The following BICD1 variants were observed in gnomAD, a reference collection of about 807,000 sequenced individuals.
The protein encoded by BICD1 is protein bicaudal D homolog 1.
In BICD1, 35 loss-of-function variants were observed where a neutral mutation model predicts 92.5. That is an observed-to-expected ratio of 0.38 (90% CI 0.29 to 0.50). The LOEUF (loss-of-function observed/expected upper bound fraction) is 0.50. Ranked by LOEUF, BICD1 falls within the 20% of genes least tolerant of loss-of-function variation. BICD1 has a pLI of 0.93. For synonymous variants in BICD1, 429 were observed against 465.1 expected (o/e 0.92, Z 1.00); for missense variants, 950 against 1,189.8 (o/e 0.80, Z 2.97).
intron 4 of BICD1, among the ~76,000 whole-genome samples, chr12:32,317,524 C>T (rs1461389818): frequency 6.6e-6 from 1 of 152,158 alleles, no homozygotes; most frequent in Non-Finnish European, 1.5e-5. Context: ...AGTGTCTGTT[C>T]ATATCCTGCA....
At chr12:32,280,175 G>A (rs1387251927) in intron 2 of BICD1, among the ~76,000 whole-genome samples, 1 of 152,120 alleles carries the variant, frequency 6.6e-6, no homozygotes, top group Non-Finnish European at 1.5e-5. Flanking sequence ...CTCTTGTATA[G>A]AGGAGGAAAA....
intron 1 of BICD1, among the ~76,000 whole-genome samples, chr12:32,207,921 T>G (rs1945109121): frequency 6.6e-6 from 1 of 152,234 alleles, no homozygotes; most frequent in Non-Finnish European, 1.5e-5. Flanking sequence ...AACGGCCACC[T>G]GATTCTTGGA....
At chr12:32,374,498 CTGTT>C (rs1260911558) in intron 9 of BICD1, among the ~76,000 whole-genome samples, 8 of 151,318 alleles carry the variant, frequency 5.3e-5, no homozygotes, top group Admixed American at 3.9e-4. Flanking sequence ...CCGTCAAACT[CTGTT>C]TGGAGGGTCA....
At chr12:32,359,688 C>A (rs1441825255) in intron 8 of BICD1, among the ~76,000 whole-genome samples, 1 of 152,110 alleles carries the variant, frequency 6.6e-6, no homozygotes, top group African/African-American at 2.4e-5. Context: ...GCAGTGGTAT[C>A]TATTTAAATC....
rs751695584 is a variant in BICD1, at chr12:32,342,399, C to T, written c.2764+3420C>T. ...CCTCCCGAGTAGCTGGGACTACAGG[C>T]GCCCGTCACCACACCTGGCTAATTT... On this transcript the variant is annotated intron_variant, in intron 8 of 9. Transcript: ENST00000652176. 5.1e-4 allele frequency among the ~76,000 whole-genome samples: 77 copies of T among 151,170 alleles called. 1 individual carries two copies. The highest frequency in any genetic ancestry group is 1.5e-3 in the African/African-American group (63 of 41,208).
intron 8 of BICD1, among the ~76,000 whole-genome samples, chr12:32,352,021 A>T (rs1326345995): frequency 6.7e-6 from 1 of 150,170 alleles, no homozygotes; most frequent in African/African-American, 2.5e-5. Flanking sequence ...CCTGGCCAAG[A>T]TGGTGAAACC....
intron 9 of BICD1, 85 bp downstream of exon 9, chr12:32,367,830 T>A: frequency 1.7e-6 from 2 of 1,196,954 alleles, no homozygotes; most frequent in South Asian, 1.2e-5. Flanking sequence ...CTGAACTGCC[T>A]ACGCATCATT....
chr12:32,158,369 A>G (rs1943504640), intron 1 of BICD1, among the ~76,000 whole-genome samples: 1 of 151,980 alleles, frequency 6.6e-6, no homozygotes. Flanking sequence ...TGGCCTCCCA[A>G]AGTGCTGGGA....
Position 32,378,538 on chromosome 12 carries a change from G to GT in BICD1, c.*912dup, listed in dbSNP as rs1220576700. 6.6e-6 allele frequency: 1 copy of GT among 152,136 alleles called. No homozygotes were observed. The highest frequency in any genetic ancestry group is 1.5e-5 in the Non-Finnish European group (1 of 68,014). The allele number at this position is 152,136 out of a possible 1,614,324, so 9.4% of individuals were successfully genotyped here. A position where few individuals can be genotyped will look rare whatever the true frequency, so the allele number is the denominator to read the frequency against. Reference sequence around the variant, plus strand: ...TCAATAACTTGAAGGGAAAAAAATGGTGTGTTTATTTAATGACCAGAATTT... The same window carrying GT: ...TCAATAACTTGAAGGGAAAAAAATGGTTGTGTTTATTTAATGACCAGAATTT... On this transcript the variant is annotated 3_prime_UTR_variant, in exon 10 of 10. Coordinates refer to ENST00000652176, the MANE Select transcript of BICD1 (RefSeq NM_001714.4).
At chr12:32,361,644 A>G (rs969837331) in intron 8 of BICD1, among the ~76,000 whole-genome samples, 4 of 152,118 alleles carry the variant, frequency 2.6e-5, no homozygotes, top group African/African-American at 4.8e-5. Context: ...GATAGTTTTC[A>G]TGGGAACACG....
At chr12:32,300,350 G>T (rs1449578606) in intron 3 of BICD1, among the ~76,000 whole-genome samples, 1 of 151,962 alleles carries the variant, frequency 6.6e-6, no homozygotes, top group African/African-American at 2.4e-5. Flanking sequence ...TGATCCTCCT[G>T]CCTCGGCCTC....
At position 32,338,966 on chromosome 12, in the gene BICD1, C is replaced by T. The variant is rs200827158; in HGVS notation, c.2751C>T (p.Thr917=). 146 of 1,594,206 alleles carry T rather than the reference C, an allele frequency of 9.2e-5. No individual in the cohort carries two copies. The highest frequency in any genetic ancestry group is 1.2e-4 in the Non-Finnish European group (138 of 1,173,172). The part of the protein sequence containing the change: ...GHRLSKEKRL[T]VAPPDCQQPA... ...GGCTCAGCAAGGAAAAAAGGTTAACCGTGGCTCCACCAGGTAAACATTTTT... is the reference window on the plus strand; with the variant it reads ...GGCTCAGCAAGGAAAAAAGGTTAACTGTGGCTCCACCAGGTAAACATTTTT... The change falls in exon 8 of 10, where the codon ACC becomes ACT. Residue 917 remains threonine, a synonymous_variant. Coordinates refer to ENST00000652176, the MANE Select transcript of BICD1 (RefSeq NM_001714.4).
chr12:32,201,659 A>G (rs577235876), intron 1 of BICD1, among the ~76,000 whole-genome samples: 1 of 152,262 alleles, frequency 6.6e-6, no homozygotes, highest in South Asian at 2.1e-4. Context: ...TTTTAATGAT[A>G]AAGACACTCA....
At chr12:32,270,694 A>T (rs1170712606) in intron 2 of BICD1, among the ~76,000 whole-genome samples, 2 of 152,228 alleles carry the variant, frequency 1.3e-5, no homozygotes, top group East Asian at 3.8e-4. Context: ...GCTGGTATTG[A>T]TTCTGAATAT....
At chr12:32,203,366 A>G (rs73078205) in intron 1 of BICD1, among the ~76,000 whole-genome samples, 12,194 of 152,252 alleles carry the variant, frequency 0.08, 513 homozygotes, top group South Asian at 0.11. Flanking sequence ...TTACTTCATC[A>G]AAAGACATCG....
Position 32,340,193 on chromosome 12 carries a change from T to C in BICD1, c.2764+1214T>C, listed in dbSNP as rs112181791. 397 of 985,428 alleles carry C rather than the reference T, an allele frequency of 4.0e-4. 4 individuals carry two copies. In the African/African-American group the frequency reaches 6.4e-3, roughly 16 times the overall value. The allele number at this position is 985,428 out of a possible 1,614,324, so 61.0% of individuals were successfully genotyped here. A position where few individuals can be genotyped will look rare whatever the true frequency, so the allele number is the denominator to read the frequency against. On this transcript the variant is annotated intron_variant, in intron 8 of 9. Transcript: ENST00000652176. The stretch of plus-strand genomic sequence containing the variant: ...CATGAAGTCAGCCTACTGATTGGGA[T>C]TAAAAGATGTGGTGTAGAAACTGAT...
In BICD1 at chr12:32,236,256, G is replaced by A. The variant is rs372200159; in HGVS notation, c.426+19797G>A. Among the ~76,000 whole-genome samples, 5 of 151,972 alleles carry A rather than the reference G, an allele frequency of 3.3e-5. No individual in the cohort carries two copies. In the East Asian group the frequency reaches 5.9e-4, roughly 18 times the overall value. On this transcript the variant is annotated intron_variant, in intron 2 of 9. Coordinates refer to ENST00000652176, the MANE Select transcript of BICD1 (RefSeq NM_001714.4). ...AAAAATACAAAAAAATTAGCTGGGT[G>A]TGGTGACGCACACCTGTAGTCCCAG... is the stretch of plus-strand genomic sequence containing the variant.
At chr12:32,177,290 G>A (rs1289176081) in intron 1 of BICD1, among the ~76,000 whole-genome samples, 2 of 151,070 alleles carry the variant, frequency 1.3e-5, no homozygotes, top group Non-Finnish European at 2.9e-5. Flanking sequence ...ACTCCAGTCT[G>A]GGCAACACAG....
intron 1 of BICD1, among the ~76,000 whole-genome samples, chr12:32,123,881 GA>G (rs58470899): frequency 0.083 from 11,380 of 136,814 alleles, 540 homozygotes; most frequent in Middle Eastern, 0.13. Flanking sequence ...CGTCTGAAAA[GA>G]AAAAAAAAAA....
Sources: allele counts gnomAD v4.1 joint callset (sites outside exome capture counted in the v4.1 genomes callset), GRCh38; gene constraint gnomAD v4.1.1; transcripts MANE v1.5; gene names NCBI Gene and HGNC (gene_info 2026-07-23, HGNC 2026-07-21).